The following LHFPL1 variants were observed in gnomAD, a reference collection of about 807,000 sequenced individuals.
LHFPL1 encodes LHFPL tetraspan subfamily member 1.
Under a neutral mutation model 12.1 loss-of-function variants are expected in LHFPL1, and 4 were observed. The ratio of observed to expected loss-of-function variants is 0.33; its 90% CI spans 0.16 to 0.76. LHFPL1 has a LOEUF of 0.76. Among genes scored for constraint, LHFPL1 ranks in the 30% least tolerant of loss-of-function variants. The pLI is 0.61. For synonymous variants in LHFPL1, 52 were observed against 61.9 expected, an observed-to-expected ratio of 0.84 and a Z score of 0.75; for missense variants, 141 against 174.1, an observed-to-expected ratio of 0.81 and a Z score of 1.07.
At chrX:112,657,656 A>T (rs1367903270) in intron 3 of LHFPL1, among the ~76,000 whole-genome samples, 1 of 111,679 alleles carries the variant, frequency 9.0e-6, no homozygotes, top group Non-Finnish European at 1.9e-5. Flanking sequence ...CTTTTCAACA[A>T]GGATACCAAG....
chrX:112,642,776 G>C (rs1242690846), intron 3 of LHFPL1, among the ~76,000 whole-genome samples: 9 of 110,618 alleles, frequency 8.1e-5, no homozygotes, highest in Non-Finnish European at 1.7e-4. Context: ...TGTCAGAAAA[G>C]ATAGAAATGT....
intron 2 of LHFPL1, among the ~76,000 whole-genome samples, chrX:112,668,916 C>T (rs1237844142): frequency 8.9e-6 from 1 of 112,229 alleles, no homozygotes; most frequent in Non-Finnish European, 1.9e-5. Context: ...CTTTCTGATT[C>T]CTGACAGTTA....
At chrX:112,635,952 G>C (rs1930326258) in intron 3 of LHFPL1, among the ~76,000 whole-genome samples, 1 of 111,780 alleles carries the variant, frequency 8.9e-6, no homozygotes, top group Non-Finnish European at 1.9e-5. Flanking sequence ...GTGAAACAAT[G>C]GAAAGTTTCT....
chrX:112,641,224 C>T (rs1930497739), intron 3 of LHFPL1, among the ~76,000 whole-genome samples: 1 of 111,870 alleles, frequency 8.9e-6, no homozygotes, highest in Non-Finnish European at 1.9e-5. Context: ...TAATACCACC[C>T]AATATGAGTT....
intron 3 of LHFPL1, among the ~76,000 whole-genome samples, chrX:112,636,054 A>AG (rs1387001155): frequency 9.0e-6 from 1 of 110,557 alleles, no homozygotes; most frequent in Non-Finnish European, 1.9e-5. Flanking sequence ...GGGCAGGGGC[A>AG]GGGGGCGGTT....
At chrX:112,636,717 AG>A (rs912931398) in intron 3 of LHFPL1, among the ~76,000 whole-genome samples, 1 of 112,102 alleles carries the variant, frequency 8.9e-6, no homozygotes, top group Non-Finnish European at 1.9e-5. Context: ...TAACTCCACC[AG>A]GTCTCAGCTC....
intron 2 of LHFPL1, among the ~76,000 whole-genome samples, chrX:112,666,647 C>T (rs746074779): frequency 8.9e-6 from 1 of 111,803 alleles, no homozygotes; most frequent in African/African-American, 3.2e-5. Flanking sequence ...AGCTATATTG[C>T]TAATATTCCA....
chrX:112,672,289 G>A (rs1931531144), intron 1 of LHFPL1, among the ~76,000 whole-genome samples: 1 of 111,988 alleles, frequency 8.9e-6, no homozygotes, highest in South Asian at 3.7e-4. Context: ...ACATATAGCT[G>A]TAAGGACCTT....
At chrX:112,647,052 GT>G (rs1362521163) in intron 3 of LHFPL1, among the ~76,000 whole-genome samples, 2 of 111,805 alleles carry the variant, frequency 1.8e-5, no homozygotes, top group East Asian at 2.8e-4. Flanking sequence ...CCATGGTTGA[GT>G]TTTTTAGGGT....
chrX:112,656,922 G>A (rs1602681541), intron 3 of LHFPL1, among the ~76,000 whole-genome samples: 1 of 112,282 alleles, frequency 8.9e-6, no homozygotes, highest in Non-Finnish European at 1.9e-5. Context: ...GTTGGTGCCT[G>A]ACTGAGAGCT....
Position 112,671,233 on chromosome X carries a change from G to A in LHFPL1, c.158C>T (p.Pro53Leu), listed in dbSNP as rs1569368348. ...CAGACTGTGTCCCTCTCCCCGCACA[G>A]GGTAGTTGCACCTCCGGAATGTGCT... ...SFSTFRRCNYPVRGEGHSLIM... is the reference protein window; with the variant it reads ...SFSTFRRCNYLVRGEGHSLIM... The change falls in exon 2 of 4, where the codon CCT (proline) becomes CTT (leucine). Residue 53 changes from proline to leucine, a missense_variant. By Grantham distance (98) the Pro-to-Leu change is moderately conservative (BLOSUM62 -3). Coordinates refer to ENST00000371968, the MANE Select transcript of LHFPL1 (RefSeq NM_178175.4). 1 of 1,212,029 alleles carries A rather than the reference G, an allele frequency of 8.3e-7. No individual in the cohort carries two copies. The highest frequency in any genetic ancestry group is 3.0e-5 in the East Asian group (1 of 33,843).
At position 112,660,736 on chromosome X, in the gene LHFPL1, A is replaced by G; in HGVS notation, c.383-11T>C. On this transcript the variant is annotated splice_polypyrimidine_tract_variant and intron_variant, in intron 2 of 3. Transcript: ENST00000371968. ...AGCTTATCAGCAGCCCTAGAAAGAA[A>G]GCATACACACAGACAGAAAAAATAT... is the stretch of plus-strand genomic sequence containing the variant. 1.8e-6 allele frequency: 2 copies of G among 1,116,217 alleles called. No individual in the cohort carries two copies. The highest frequency in any genetic ancestry group is 2.5e-6 in the Non-Finnish European group (2 of 810,995). 92.0% of individuals were successfully genotyped at this position (1,116,217 alleles called of 1,213,427 possible).
chrX:112,643,133 C>A (rs1251150176), intron 3 of LHFPL1, among the ~76,000 whole-genome samples: 8 of 105,869 alleles, frequency 7.6e-5, no homozygotes, highest in African/African-American at 2.8e-4. Context: ...GTAATCCCAG[C>A]ACTTTGGGAG....
intron 3 of LHFPL1, among the ~76,000 whole-genome samples, chrX:112,631,970 T>G (rs1930203403): frequency 1.8e-5 from 2 of 111,677 alleles, no homozygotes; most frequent in Non-Finnish European, 3.8e-5. Flanking sequence ...AGTAATTATA[T>G]GAGATAGGTA....
intron 3 of LHFPL1, among the ~76,000 whole-genome samples, chrX:112,653,518 A>C (rs1184985133): frequency 2.7e-5 from 3 of 112,643 alleles, no homozygotes; most frequent in Non-Finnish European, 5.6e-5. Flanking sequence ...GAAAAAAGAA[A>C]GAGTTAGGAA....
chrX:112,679,180 T>C (rs1931736361), intron 1 of LHFPL1, among the ~76,000 whole-genome samples: 1 of 111,295 alleles, frequency 9.0e-6, no homozygotes, highest in Non-Finnish European at 1.9e-5. Flanking sequence ...TTCATTCTAT[T>C]TTCAGTTCCC....
chrX:112,662,695 G>A (rs1274748502), intron 2 of LHFPL1, among the ~76,000 whole-genome samples: 1 of 112,136 alleles, frequency 8.9e-6, no homozygotes, highest in Non-Finnish European at 1.9e-5. Flanking sequence ...CACAGGAAGT[G>A]AAACTGGTCA....
intron 2 of LHFPL1, among the ~76,000 whole-genome samples, chrX:112,666,284 G>C (rs1048090587): frequency 2.7e-5 from 3 of 111,049 alleles, no homozygotes; most frequent in African/African-American, 9.8e-5. Context: ...CCCTTCCTAG[G>C]GAGTTCCTTC....
chrX:112,658,973 C>T (rs549818750), intron 3 of LHFPL1, among the ~76,000 whole-genome samples: 2 of 112,064 alleles, frequency 1.8e-5, no homozygotes, highest in South Asian at 7.4e-4. Context: ...GTACATGCTA[C>T]TACATGTATA....
Sources: gnomAD v4.1 joint callset for allele counts (sites outside exome capture counted in the v4.1 genomes callset) on GRCh38, gnomAD v4.1.1 for gene constraint, MANE v1.5 for transcripts, NCBI Gene and HGNC (gene_info 2026-07-23, HGNC 2026-07-21) for gene names.